The following BCHE variants were observed in gnomAD, a reference collection of about 807,000 sequenced individuals.
BCHE encodes cholinesterase.
Under a neutral mutation model 51.3 loss-of-function variants are expected in BCHE, and 48 were observed. The observed-to-expected ratio is 0.94, with a 90% CI of 0.74 to 1.19. The LOEUF (loss-of-function observed/expected upper bound fraction) is 1.19, where lower values mean the gene tolerates loss of function less well. Ranked by LOEUF, BCHE falls within the 50% of genes most tolerant of loss-of-function variation. The probability of loss-of-function intolerance (pLI) is 0.00; values close to 1 mark genes in which losing one functional copy is unlikely to be tolerated. For missense variants in BCHE, 847 were observed against 708.2 expected (o/e 1.20, Z -2.23); for synonymous variants, 251 against 238.0 (o/e 1.05, Z -0.50).
At chr3:165,799,475 CTA>C (rs1220484498) in intron 2 of BCHE, among the ~76,000 whole-genome samples, 21 of 152,090 alleles carry the variant, frequency 1.4e-4, no homozygotes, top group African/African-American at 5.1e-4. Context: ...TTAAATATAT[CTA>C]TGTGTATTTA....
chr3:165,807,245 T>C, intron 2 of BCHE, among the ~76,000 whole-genome samples: 1 of 151,950 alleles, frequency 6.6e-6, no homozygotes, highest in East Asian at 1.9e-4. Flanking sequence ...AATTATAATG[T>C]TTGTCTACCT....
intron 2 of BCHE, among the ~76,000 whole-genome samples, chr3:165,804,007 A>C (rs1713773059): frequency 6.6e-6 from 1 of 151,706 alleles, no homozygotes; most frequent in South Asian, 2.1e-4. Flanking sequence ...ATATTTTGAC[A>C]TGAGAAGAAA....
chr3:165,777,156 A>G (rs757278804), intron 3 of BCHE, among the ~76,000 whole-genome samples: 1 of 151,874 alleles, frequency 6.6e-6, no homozygotes, highest in Admixed American at 6.6e-5. Context: ...TCTCGTAACT[A>G]TTTTTCAGAG....
intron 2 of BCHE, among the ~76,000 whole-genome samples, chr3:165,804,138 A>G (rs529049142): frequency 6.6e-6 from 1 of 152,284 alleles, no homozygotes; most frequent in South Asian, 2.1e-4. Flanking sequence ...GACTACACAC[A>G]CATCAAATAC....
intron 2 of BCHE, among the ~76,000 whole-genome samples, chr3:165,813,886 T>A (rs182692865): frequency 1.9e-3 from 286 of 151,996 alleles, no homozygotes; most frequent in African/African-American, 6.7e-3. Flanking sequence ...GGTAGAGATT[T>A]AAAAAAAGTC....
intron 2 of BCHE, among the ~76,000 whole-genome samples, chr3:165,817,141 C>G (rs2108225966): frequency 6.6e-6 from 1 of 152,076 alleles, no homozygotes; most frequent in South Asian, 2.1e-4. Context: ...AAAAATTTTG[C>G]AGTGTAGTAT....
chr3:165,775,599 G>A (rs919033265), intron 3 of BCHE, among the ~76,000 whole-genome samples: 19 of 151,346 alleles, frequency 1.3e-4, no homozygotes, highest in Non-Finnish European at 2.2e-4. Context: ...AATCCTTATA[G>A]AAAGAGTCCT....
At chr3:165,786,770 A>G (rs1374491221) in intron 2 of BCHE, among the ~76,000 whole-genome samples, 1 of 151,736 alleles carries the variant, frequency 6.6e-6, no homozygotes. Flanking sequence ...ACCAAGTTTA[A>G]TTACAAATCT....
chr3:165,801,507 A>G (rs1713644912), intron 2 of BCHE, among the ~76,000 whole-genome samples: 1 of 152,188 alleles, frequency 6.6e-6, no homozygotes, highest in African/African-American at 2.4e-5. Flanking sequence ...TTATATAAAT[A>G]CATCATTATG....
intron 2 of BCHE, among the ~76,000 whole-genome samples, chr3:165,803,375 T>C (rs992390355): frequency 1.1e-4 from 17 of 152,168 alleles, no homozygotes; most frequent in African/African-American, 4.1e-4. Flanking sequence ...AGTTTCTAAC[T>C]CATTCTATTC....
intron 2 of BCHE, among the ~76,000 whole-genome samples, chr3:165,809,452 T>G (rs1039507648): frequency 6.6e-6 from 1 of 152,174 alleles, no homozygotes; most frequent in African/African-American, 2.4e-5. Context: ...TGTATACTTT[T>G]AATGTTTTTA....
intron 2 of BCHE, among the ~76,000 whole-genome samples, chr3:165,789,534 T>C (rs1713090460): frequency 6.6e-6 from 1 of 152,098 alleles, no homozygotes; most frequent in Admixed American, 6.6e-5. Context: ...GAATTAAAAT[T>C]ATCCTTAGGA....
At position 165,776,896 on chromosome 3, in the gene BCHE, A is replaced by G. The variant is rs1204840443; in HGVS notation, c.1685-3390T>C. On this transcript the variant is annotated intron_variant, in intron 3 of 3. Coordinates refer to ENST00000264381, the MANE Select transcript of BCHE (RefSeq NM_000055.4). ...AAGTGTCTTAATTCATAATATCAAC[A>G]ATAGGTCACATAGTATTTATCCATT... Among the ~76,000 whole-genome samples the G allele has an allele frequency of 2.0e-5, 3 of 151,928 alleles. No individual in the cohort carries two copies. The East Asian group carries it at 5.8e-4, about 29-fold the overall frequency.
intron 2 of BCHE, among the ~76,000 whole-genome samples, chr3:165,794,050 T>TAAA (rs1027099408): frequency 2.2e-5 from 3 of 135,580 alleles, no homozygotes; most frequent in African/African-American, 8.1e-5. Context: ...CCATCTCAAA[T>TAAA]AAAAAAAAAA....
At chr3:165,815,478 T>C (rs1406840012) in intron 2 of BCHE, among the ~76,000 whole-genome samples, 1 of 152,110 alleles carries the variant, frequency 6.6e-6, no homozygotes, top group Non-Finnish European at 1.5e-5. Context: ...CTGTTGAGGA[T>C]GATGATACTT....
intron 3 of BCHE, among the ~76,000 whole-genome samples, chr3:165,781,994 T>C (rs993230830): frequency 6.6e-6 from 1 of 152,146 alleles, no homozygotes; most frequent in African/African-American, 2.4e-5. Context: ...GAGTATTCCT[T>C]GGAAAAATGA....
chr3:165,798,348 T>A (rs1001183902), intron 2 of BCHE, among the ~76,000 whole-genome samples: 3 of 152,106 alleles, frequency 2.0e-5, no homozygotes, highest in African/African-American at 7.2e-5. Flanking sequence ...TTTGAGGTTG[T>A]TTGAGACCTG....
Position 165,787,447 on chromosome 3 carries a change from A to G in BCHE, c.1518-1136T>C, listed in dbSNP as rs376842340. 1.4e-4 allele frequency among the ~76,000 whole-genome samples: 21 copies of G among 151,954 alleles called. 1 individual carries two copies. The highest frequency in any genetic ancestry group is 4.1e-4 in the African/African-American group (17 of 41,520). On this transcript the variant is annotated intron_variant, in intron 2 of 3. Transcript: ENST00000264381. ...AAACCCAGGGAAACAAAGAACTACA[A>G]CATAAGATAGCATAAACCGAGTCTA... is the stretch of plus-strand genomic sequence containing the variant.
At chr3:165,783,788 A>T (rs1459238531) in intron 3 of BCHE, among the ~76,000 whole-genome samples, 2 of 152,016 alleles carry the variant, frequency 1.3e-5, no homozygotes, top group Non-Finnish European at 2.9e-5. Context: ...TCAAATAGTT[A>T]TGATATTGTA....
Sources: gnomAD v4.1 joint callset for allele counts (sites outside exome capture counted in the v4.1 genomes callset) on GRCh38, gnomAD v4.1.1 for gene constraint, MANE v1.5 for transcripts, NCBI Gene and HGNC (gene_info 2026-07-23, HGNC 2026-07-21) for gene names.